The following RNF214 variants were observed in gnomAD, a reference collection of about 807,000 sequenced individuals.
The protein encoded by RNF214 is ring finger protein 214.
A neutral mutation model predicts 75.9 loss-of-function variants in RNF214; 25 were observed. The observed-to-expected ratio is 0.33, with a 90% CI of 0.24 to 0.46. The LOEUF is 0.46. Ranked by LOEUF, RNF214 falls within the 20% of genes least tolerant of loss-of-function variation. RNF214 has a pLI of 1.00. For missense variants in RNF214, 725 were observed against 857.5 expected (o/e 0.85, Z 1.93); for synonymous variants, 314 against 308.8 (o/e 1.02, Z -0.18).
chr11:117,253,418 T>C (rs1195364474), intron 6 of RNF214, among the ~76,000 whole-genome samples: 2 of 152,264 alleles, frequency 1.3e-5, no homozygotes, highest in Non-Finnish European at 2.9e-5. Flanking sequence ...GGAAATTGTC[T>C]TGCTTTTGCA....
chr11:117,267,729 A>G (rs1412862591), intron 6 of RNF214, among the ~76,000 whole-genome samples: 1 of 148,154 alleles, frequency 6.7e-6, no homozygotes, highest in East Asian at 2.0e-4. Context: ...ATCATGTCTG[A>G]AAAAAAAAAA....
chr11:117,268,358 A>G (rs894146246), intron 6 of RNF214, among the ~76,000 whole-genome samples: 1 of 152,240 alleles, frequency 6.6e-6, no homozygotes, highest in Non-Finnish European at 1.5e-5. Context: ...AGGTCCTTGA[A>G]ACATTCCTGA....
chr11:117,257,566 T>C (rs972195776), intron 6 of RNF214, among the ~76,000 whole-genome samples: 3 of 152,196 alleles, frequency 2.0e-5, no homozygotes, highest in Non-Finnish European at 4.4e-5. Flanking sequence ...GAAGAGATGC[T>C]CTGTCTTGAT....
chr11:117,266,172 C>A (rs1391443893), intron 6 of RNF214, among the ~76,000 whole-genome samples: 1 of 152,118 alleles, frequency 6.6e-6, no homozygotes, highest in African/African-American at 2.4e-5. Flanking sequence ...CATTCTCTTT[C>A]CCTCTGTGTA....
At chr11:117,278,921 G>A (rs1003228535) in intron 6 of RNF214, among the ~76,000 whole-genome samples, 4 of 152,028 alleles carry the variant, frequency 2.6e-5, no homozygotes, top group Admixed American at 6.6e-5. Flanking sequence ...TGAGACCCCT[G>A]TCTCTACAAA....
At chr11:117,279,878 T>TAGTCTTGTTC in intron 6 of RNF214, 30 bp from the exon 7 acceptor site, 1 of 1,539,300 alleles carries the variant, frequency 6.5e-7, no homozygotes, top group South Asian at 1.2e-5. Flanking sequence ...CTTTCTTCCT[T>TAGTCTTGTTC]AGTCTTGTTC....
At chr11:117,243,529 A>C (rs2033135609) in intron 4 of RNF214, among the ~76,000 whole-genome samples, 1 of 152,196 alleles carries the variant, frequency 6.6e-6, no homozygotes. Context: ...AATGGTTATT[A>C]TTTAATGAAA....
At chr11:117,257,829 A>G (rs569352180) in intron 6 of RNF214, among the ~76,000 whole-genome samples, 1 of 152,338 alleles carries the variant, frequency 6.6e-6, no homozygotes, top group East Asian at 1.9e-4. Context: ...TCTGAATAAT[A>G]CTAATTGGTA....
intron 6 of RNF214, among the ~76,000 whole-genome samples, chr11:117,264,422 C>T (rs2033750315): frequency 6.6e-6 from 1 of 152,064 alleles, no homozygotes; most frequent in East Asian, 1.9e-4. Context: ...ATATACTCAT[C>T]TTGAAATAAT....
intron 6 of RNF214, among the ~76,000 whole-genome samples, chr11:117,264,893 G>A (rs1169320746): frequency 4.6e-5 from 7 of 151,696 alleles, no homozygotes; most frequent in Admixed American, 3.3e-4. Flanking sequence ...GTGAAACCTC[G>A]TCTCTACTAA....
intron 6 of RNF214, among the ~76,000 whole-genome samples, chr11:117,256,679 C>G (rs2033534533): frequency 6.6e-6 from 1 of 152,170 alleles, no homozygotes; most frequent in Admixed American, 6.5e-5. Context: ...CTGCCAGGCT[C>G]TCTTAAGGCT....
At chr11:117,253,178 A>G (rs942832894) in intron 6 of RNF214, among the ~76,000 whole-genome samples, 2 of 152,016 alleles carry the variant, frequency 1.3e-5, no homozygotes, top group Non-Finnish European at 2.9e-5. Flanking sequence ...ATGCCCATCT[A>G]AGTTTTTCTG....
At chr11:117,262,707 T>TTTTGTGTGTG (rs113477136) in intron 6 of RNF214, among the ~76,000 whole-genome samples, 12 of 147,762 alleles carry the variant, frequency 8.1e-5, no homozygotes, top group Admixed American at 6.8e-4. Flanking sequence ...TTGAGGAACG[T>TTTTGTGTGTG]TGTGTGTGTG....
At chr11:117,245,426 G>A (rs544725760) in intron 5 of RNF214, among the ~76,000 whole-genome samples, 6 of 149,486 alleles carry the variant, frequency 4.0e-5, no homozygotes, top group Non-Finnish European at 8.9e-5. Flanking sequence ...TGCAAGCTCC[G>A]CCTCCTGGAT....
At chr11:117,244,946 A>T (rs2033176510) in intron 5 of RNF214, among the ~76,000 whole-genome samples, 1 of 151,662 alleles carries the variant, frequency 6.6e-6, no homozygotes, top group Admixed American at 6.6e-5. Context: ...TTTTTATTTC[A>T]GTTAACTCAA....
chr11:117,272,193 C>T lies in RNF214; in HGVS notation c.960-7715C>T, dbSNP rs190155693. Among the ~76,000 whole-genome samples the T allele has an allele frequency of 4.6e-5, 7 of 152,250 alleles. No homozygotes were observed. In the East Asian group the frequency reaches 1.4e-3, roughly 29 times the overall value. ...GTGAGCTTACGATTGTGCCACTGTA[C>T]TCCAGCCTGGGTAACACAGTGAAAC... On this transcript the variant is annotated intron_variant, in intron 6 of 14. Coordinates refer to ENST00000300650, the MANE Select transcript of RNF214 (RefSeq NM_207343.4).
intron 6 of RNF214, among the ~76,000 whole-genome samples, chr11:117,270,640 G>A (rs778150087): frequency 5.3e-5 from 8 of 151,942 alleles, no homozygotes; most frequent in Non-Finnish European, 1.2e-4. Context: ...TACAGACAGG[G>A]TTTTGCCATG....
intron 2 of RNF214, among the ~76,000 whole-genome samples, chr11:117,234,950 A>C (rs978971525): frequency 1.4e-4 from 21 of 152,314 alleles, no homozygotes; most frequent in Middle Eastern, 3.4e-3. Flanking sequence ...GCATATGCCC[A>C]CCCTACTTAA....
At chr11:117,259,834 G>A (rs184830568) in intron 6 of RNF214, among the ~76,000 whole-genome samples, 139 of 152,130 alleles carry the variant, frequency 9.1e-4, no homozygotes, top group Non-Finnish European at 1.6e-3. Context: ...TCCTTTGTCA[G>A]ATATATGTTA....
Sources: gnomAD v4.1 joint callset for allele counts (sites outside exome capture counted in the v4.1 genomes callset) on GRCh38, gnomAD v4.1.1 for gene constraint, MANE v1.5 for transcripts, NCBI Gene and HGNC (gene_info 2026-07-23, HGNC 2026-07-21) for gene names.